The following RABGAP1L variants were observed in gnomAD, a reference collection of about 807,000 sequenced individuals.
RABGAP1L encodes the protein rab GTPase-activating protein 1-like.
In RABGAP1L, 63 loss-of-function variants were observed where a neutral mutation model predicts 137.7. The observed-to-expected ratio is 0.46, with a 90% CI of 0.37 to 0.56. RABGAP1L has a LOEUF of 0.56. RABGAP1L is among the 20% of genes least tolerant of loss of function. The probability of loss-of-function intolerance (pLI) is 0.00; values close to 1 mark genes in which losing one functional copy is unlikely to be tolerated. For synonymous variants in RABGAP1L, 431 were observed against 433.7 expected (o/e 0.99, Z 0.08); for missense variants, 1,095 against 1,244.0 (o/e 0.88, Z 1.80).
chr1:174,793,788 C>G lies in RABGAP1L; in HGVS notation c.2212-18044C>G, dbSNP rs1227500841. Among the ~76,000 whole-genome samples the G allele has an allele frequency of 3.3e-5, 5 of 151,944 alleles. No individual in the cohort carries two copies. The East Asian group carries it at 9.7e-4, about 29-fold the overall frequency. ...TTGGCTCACTGCAACCTCTGCCTCC[C>G]AGGTTCAAGTGATTCTCCTGCTTCA... is the stretch of plus-strand genomic sequence containing the variant. On this transcript the variant is annotated intron_variant, in intron 18 of 25. Transcript: ENST00000681986.
At chr1:174,362,183 T>C (rs1301804627) in intron 11 of RABGAP1L, among the ~76,000 whole-genome samples, 1 of 152,258 alleles carries the variant, frequency 6.6e-6, no homozygotes, top group Non-Finnish European at 1.5e-5. Context: ...CAGTCTATCA[T>C]TGATGGGCAT....
chr1:174,305,211 T>A, intron 11 of RABGAP1L, 84 bp downstream of exon 11: 1 of 1,340,166 alleles, frequency 7.5e-7, no homozygotes, highest in Non-Finnish European at 9.7e-7. Context: ...GTGTTGTGGG[T>A]AGAAGTGGTG....
chr1:174,773,163 GGTGTGT>G lies in RABGAP1L; in HGVS notation c.2211+20824_2211+20829del, dbSNP rs9286899. 3.3e-5 allele frequency among the ~76,000 whole-genome samples: 5 copies of G among 149,548 alleles called. No homozygotes were observed. The East Asian group carries it at 9.9e-4, about 30-fold the overall frequency. ...AGTGTTCTTAACTTCTAAGCTATGG[GGTGTGT>G]GTGTGTGTGTGTGTTTATTTTAAAC... On this transcript the variant is annotated intron_variant, in intron 18 of 25. Coordinates refer to ENST00000681986, the MANE Select transcript of RABGAP1L (RefSeq NM_001366446.1).
At chr1:174,895,490 C>T (rs931064751) in intron 19 of RABGAP1L, among the ~76,000 whole-genome samples, 8 of 149,144 alleles carry the variant, frequency 5.4e-5, no homozygotes, top group African/African-American at 1.2e-4. Flanking sequence ...ATGTGCACAA[C>T]GTGCAGGTTT....
At chr1:174,579,233 C>T (rs1417991262) in intron 13 of RABGAP1L, among the ~76,000 whole-genome samples, 1 of 151,960 alleles carries the variant, frequency 6.6e-6, no homozygotes, top group East Asian at 1.9e-4. Flanking sequence ...GAGCATGGCA[C>T]GTTGGATAGG....
intron 5 of RABGAP1L, chr1:174,246,059 GTTAC>G (rs1406880583): frequency 6.6e-6 from 1 of 152,094 alleles, no homozygotes; most frequent in Non-Finnish European, 1.5e-5. Context: ...AAATACCTTT[GTTAC>G]TTAATAACAG....
chr1:174,438,376 T>A (rs1653680120), intron 13 of RABGAP1L, among the ~76,000 whole-genome samples: 1 of 152,112 alleles, frequency 6.6e-6, no homozygotes, highest in South Asian at 2.1e-4. Flanking sequence ...AATCTGAAGA[T>A]CAATTTGAGA....
At chr1:174,314,066 G>T (rs988107593) in intron 11 of RABGAP1L, among the ~76,000 whole-genome samples, 5 of 152,080 alleles carry the variant, frequency 3.3e-5, no homozygotes, top group African/African-American at 1.2e-4. Context: ...CCTCTGTTTT[G>T]CAGTAGTTCG....
intron 4 of RABGAP1L, among the ~76,000 whole-genome samples, chr1:174,239,268 C>G (rs1671570619): frequency 6.6e-6 from 1 of 152,222 alleles, no homozygotes; most frequent in Admixed American, 6.5e-5. Flanking sequence ...GGAGCTGTTC[C>G]TATTCGGCCA....
At chr1:174,484,335 T>G (rs1168121239) in intron 13 of RABGAP1L, among the ~76,000 whole-genome samples, 1 of 152,216 alleles carries the variant, frequency 6.6e-6, no homozygotes, top group Non-Finnish European at 1.5e-5. Context: ...TGCAGATATT[T>G]TCTCCCATTC....
chr1:174,915,380 A>T (rs1660683579), intron 19 of RABGAP1L, among the ~76,000 whole-genome samples: 1 of 152,000 alleles, frequency 6.6e-6, no homozygotes, highest in South Asian at 2.1e-4. Context: ...GTTTTTATTT[A>T]TATTTTCTAA....
intron 19 of RABGAP1L, among the ~76,000 whole-genome samples, chr1:174,953,650 C>G (rs929478300): frequency 6.6e-6 from 1 of 152,186 alleles, no homozygotes; most frequent in Non-Finnish European, 1.5e-5. Context: ...AAGCCCATTT[C>G]ATTTTGTGCA....
chr1:174,505,505 C>T (rs961114298), intron 13 of RABGAP1L, among the ~76,000 whole-genome samples: 3 of 149,170 alleles, frequency 2.0e-5, no homozygotes, highest in Non-Finnish European at 4.4e-5. Flanking sequence ...TGAATTTTTG[C>T]TTGTACTGAA....
At chr1:174,783,791 C>T (rs1223763595) in intron 18 of RABGAP1L, among the ~76,000 whole-genome samples, 1 of 148,336 alleles carries the variant, frequency 6.7e-6, no homozygotes, top group Non-Finnish European at 1.5e-5. Flanking sequence ...TCACTGCAAC[C>T]TCCACCTCCC....
intron 11 of RABGAP1L, among the ~76,000 whole-genome samples, chr1:174,333,095 CAT>C (rs974768626): frequency 5.3e-5 from 8 of 152,182 alleles, no homozygotes; most frequent in African/African-American, 9.7e-5. Flanking sequence ...TGATCTCACT[CAT>C]GTGTGGAATC....
intron 19 of RABGAP1L, among the ~76,000 whole-genome samples, chr1:174,858,100 C>A (rs150520373): frequency 5.0e-4 from 76 of 152,192 alleles, no homozygotes; most frequent in African/African-American, 1.8e-3. Flanking sequence ...GCAGTCTTGA[C>A]CTCCCAGGCT....
intron 14 of RABGAP1L, among the ~76,000 whole-genome samples, chr1:174,654,214 A>C (rs1296235694): frequency 6.6e-6 from 1 of 152,228 alleles, no homozygotes; most frequent in African/African-American, 2.4e-5. Flanking sequence ...GCTCAGTCAC[A>C]GCTCCTGGGA....
intron 11 of RABGAP1L, among the ~76,000 whole-genome samples, chr1:174,368,936 C>T (rs1038197783): frequency 5.9e-5 from 9 of 151,880 alleles, no homozygotes; most frequent in Non-Finnish European, 8.8e-5. Flanking sequence ...ATGTTTATTT[C>T]CTTTTCTCTT....
intron 13 of RABGAP1L, among the ~76,000 whole-genome samples, chr1:174,429,613 C>T (rs937430494): frequency 6.6e-6 from 1 of 152,040 alleles, no homozygotes; most frequent in East Asian, 1.9e-4. Flanking sequence ...GTGGTGGGCA[C>T]CTGTAATCCC....
Sources: allele counts gnomAD v4.1 joint callset (sites outside exome capture counted in the v4.1 genomes callset), GRCh38; gene constraint gnomAD v4.1.1; transcripts MANE v1.5; gene names NCBI Gene and HGNC (gene_info 2026-07-23, HGNC 2026-07-21).